Variants in FAM107B observed in about 807,000 individuals in gnomAD.
FAM107B encodes the protein family with sequence similarity 107 member B, also known as protein FAM107B.
FAM107B carries 21 observed loss-of-function variants against 31.5 expected under a neutral mutation model. The observed-to-expected ratio is 0.67, with a 90% CI of 0.47 to 0.96. The LOEUF (loss-of-function observed/expected upper bound fraction) is 0.96. Ranked by LOEUF, FAM107B falls within the 40% of genes least tolerant of loss-of-function variation. FAM107B has a pLI of 0.00. For synonymous variants in FAM107B, 157 were observed against 141.5 expected, an observed-to-expected ratio of 1.11 and a Z score of -0.78; for missense variants, 452 against 377.1, an observed-to-expected ratio of 1.20 and a Z score of -1.64.
rs564692223 is a variant in FAM107B, at chr10:14,578,552, T to G, written c.470-48037A>C. Among the ~76,000 whole-genome samples, 4 of 152,240 alleles carry G rather than the reference T, an allele frequency of 2.6e-5. No individual in the cohort carries two copies. The South Asian group carries it at 8.3e-4, about 32-fold the overall frequency. On this transcript the variant is annotated intron_variant, in intron 2 of 4. Coordinates refer to ENST00000181796, the MANE Select transcript of FAM107B (RefSeq NM_031453.4). ...TGCCGAGAGAGGGGACCTTGCCAAA[T>G]TGCTCACTTTCTGGTCCTGTTTATA...
At chr10:14,545,339 A>G (rs192741142) in intron 2 of FAM107B, among the ~76,000 whole-genome samples, 3 of 152,210 alleles carry the variant, frequency 2.0e-5, no homozygotes, top group Admixed American at 6.5e-5. Context: ...TCACCTTCAT[A>G]GTGGTTTAGC....
intron 2 of FAM107B, among the ~76,000 whole-genome samples, chr10:14,618,970 T>C (rs1445520093): frequency 6.6e-6 from 1 of 152,154 alleles, no homozygotes; most frequent in Non-Finnish European, 1.5e-5. Context: ...GAAGATGGTC[T>C]TGTGACAACA....
intron 2 of FAM107B, among the ~76,000 whole-genome samples, chr10:14,577,960 A>C (rs4750532): frequency 0.27 from 40,629 of 152,102 alleles, 6,044 homozygotes; most frequent in Middle Eastern, 0.35. Flanking sequence ...ATGCCACCTA[A>C]AAATGGCTCC....
At chr10:14,755,907 G>A (rs1299069914) in intron 1 of FAM107B, among the ~76,000 whole-genome samples, 1 of 152,170 alleles carries the variant, frequency 6.6e-6, no homozygotes, top group Non-Finnish European at 1.5e-5. Context: ...TATCCATTGA[G>A]CACGTTGGTG....
intron 1 of FAM107B, among the ~76,000 whole-genome samples, chr10:14,679,820 A>G (rs1854784695): frequency 6.6e-6 from 1 of 152,238 alleles, no homozygotes; most frequent in Non-Finnish European, 1.5e-5. Flanking sequence ...AGCTGCCAGC[A>G]CAGCTAGAAT....
rs558940939 is a variant in FAM107B at position 14,734,488 on chromosome 10, G to GTGTTTTTGTTTTTGTTT, written c.411+39764_411+39765insAAACAAAAACAAAAACA. On this transcript the variant is annotated intron_variant, in intron 1 of 4. Transcript: ENST00000181796. ...AAACATAATGAAATCTTTTTGTGAGGTTTTTTTTTTTTTTTTAGCTCATCA... is the reference window on the plus strand; with the variant it reads ...AAACATAATGAAATCTTTTTGTGAGGTGTTTTTGTTTTTGTTTTTTTTTTTTTTTTTTTAGCTCATCA... Among the ~76,000 whole-genome samples, 40 of 138,542 alleles carry GTGTTTTTGTTTTTGTTT rather than the reference G, an allele frequency of 2.9e-4. 1 individual carries two copies. The highest frequency in any genetic ancestry group is 1.0e-3 in the African/African-American group (37 of 36,854). The allele number at this position is 138,542 out of a possible 152,430, so 90.9% of individuals were successfully genotyped here.
At chr10:14,754,894 T>G (rs1832898731) in intron 1 of FAM107B, among the ~76,000 whole-genome samples, 1 of 152,184 alleles carries the variant, frequency 6.6e-6, no homozygotes, top group Non-Finnish European at 1.5e-5. Flanking sequence ...CTTTTAAAAT[T>G]ATCAAGTCAA....
chr10:14,632,108 C>T (rs777536274), intron 2 of FAM107B, among the ~76,000 whole-genome samples: 3 of 150,280 alleles, frequency 2.0e-5, no homozygotes, highest in Non-Finnish European at 3.0e-5. Context: ...ACCAGCCTGG[C>T]CAACATTGGT....
At chr10:14,677,586 A>G (rs528376050) in intron 1 of FAM107B, among the ~76,000 whole-genome samples, 18 of 152,074 alleles carry the variant, frequency 1.2e-4, no homozygotes, top group Non-Finnish European at 2.4e-4. Flanking sequence ...GCGCCACTGC[A>G]CTCCAGCCTG....
At chr10:14,692,977 T>C (rs79070362) in intron 1 of FAM107B, among the ~76,000 whole-genome samples, 214 of 152,306 alleles carry the variant, frequency 1.4e-3, no homozygotes, top group South Asian at 0.013. Context: ...TGACGATCCA[T>C]GCAAAAATCG....
chr10:14,764,188 T>G (rs1184084149), intron 1 of FAM107B, among the ~76,000 whole-genome samples: 2 of 152,264 alleles, frequency 1.3e-5, no homozygotes, highest in African/African-American at 4.8e-5. Flanking sequence ...TTCCTTAAGT[T>G]TTAAAAGTCA....
rs374265186 is a variant in FAM107B at position 14,673,687 on chromosome 10, T to C, written c.412-5996A>G. Among the ~76,000 whole-genome samples, 355 of 152,310 alleles carry C rather than the reference T, an allele frequency of 2.3e-3. 1 individual carries two copies. In the Middle Eastern group the frequency reaches 0.037, roughly 16 times the overall value. On this transcript the variant is annotated intron_variant, in intron 1 of 4. Transcript: ENST00000181796. ...ATTGCTGGATCATATGGTCGTTCTA[T>C]TTTTAGTTTTTGGAGAAAACTTCAT... is the stretch of plus-strand genomic sequence containing the variant.
chr10:14,771,272 G>A (rs1588770876), intron 1 of FAM107B, among the ~76,000 whole-genome samples: 2 of 152,182 alleles, frequency 1.3e-5, no homozygotes, highest in Admixed American at 1.3e-4. Context: ...CTTCTGTGGT[G>A]TTATATACCA....
chr10:14,593,015 C>T (rs768338705), intron 2 of FAM107B, among the ~76,000 whole-genome samples: 5 of 152,198 alleles, frequency 3.3e-5, no homozygotes, highest in Non-Finnish European at 5.9e-5. Context: ...CAATGGTTGA[C>T]CTCTTTCACT....
chr10:14,549,445 T>C (rs1036257318), intron 2 of FAM107B, among the ~76,000 whole-genome samples: 5 of 152,248 alleles, frequency 3.3e-5, no homozygotes, highest in African/African-American at 1.2e-4. Context: ...CCTCAGCTTT[T>C]CCATTTATGT....
chr10:14,758,201 C>T (rs1832967858), intron 1 of FAM107B, among the ~76,000 whole-genome samples: 1 of 152,188 alleles, frequency 6.6e-6, no homozygotes. Flanking sequence ...TTTGTTCTGC[C>T]CCTGACTTGA....
intron 2 of FAM107B, among the ~76,000 whole-genome samples, chr10:14,652,002 G>T (rs1320314532): frequency 6.6e-6 from 1 of 152,200 alleles, no homozygotes; most frequent in Non-Finnish European, 1.5e-5. Context: ...CTTGAAGCCA[G>T]GATGGAGGGT....
At chr10:14,585,505 C>G (rs1851794000) in intron 2 of FAM107B, among the ~76,000 whole-genome samples, 1 of 152,216 alleles carries the variant, frequency 6.6e-6, no homozygotes, top group South Asian at 2.1e-4. Context: ...AAAGCAAGTA[C>G]AGTCTCTCGA....
intron 1 of FAM107B, among the ~76,000 whole-genome samples, chr10:14,768,316 C>T (rs1361264103): frequency 6.6e-6 from 1 of 152,132 alleles, no homozygotes; most frequent in Non-Finnish European, 1.5e-5. Flanking sequence ...TATAGAGAAT[C>T]TCAAGAGACC....
Sources: allele counts gnomAD v4.1 joint callset (sites outside exome capture counted in the v4.1 genomes callset), GRCh38; gene constraint gnomAD v4.1.1; transcripts MANE v1.5; gene names NCBI Gene and HGNC (gene_info 2026-07-23, HGNC 2026-07-21).